FSAF1: variants seen among roughly 807,000 people sequenced by gnomAD.
FSAF1 encodes the protein 40S small subunit processome assembly factor 1.
the FSAF1 span, among the ~76,000 whole-genome samples, chr1:231,231,560 C>T: frequency 6.6e-6 from 1 of 152,046 alleles, no homozygotes; most frequent in Non-Finnish European, 1.5e-5. Flanking sequence ...AGTGCAGTGG[C>T]GCGAGGCACG....
the FSAF1 span, chr1:231,226,444 G>A: frequency 6.5e-6 from 3 of 459,498 alleles, no homozygotes; most frequent in Non-Finnish European, 1.2e-5. Flanking sequence ...GCAGAACCAT[G>A]CTCCAAATCA....
the FSAF1 span, chr1:231,237,838 T>A: frequency 6.6e-6 from 1 of 152,260 alleles, no homozygotes; most frequent in East Asian, 1.9e-4. Flanking sequence ...AGAAATGGAA[T>A]AGCAATGAAT....
the FSAF1 span, chr1:231,226,773 T>A: frequency 1.2e-6 from 2 of 1,611,128 alleles, no homozygotes; most frequent in African/African-American, 1.3e-5. Flanking sequence ...TGCCTTTTTT[T>A]CTTTAATTTG....
chr1:231,240,764 G>A, the FSAF1 span, among the ~76,000 whole-genome samples: 2 of 152,064 alleles, frequency 1.3e-5, no homozygotes, highest in African/African-American at 4.8e-5. The surrounding 1 kb of genome is among the most constrained non-coding windows in gnomAD (Gnocchi z 4.1). Context: ...GGAAAGCCTT[G>A]GTGCTTCCTA....
the FSAF1 span, chr1:231,239,053 T>C: frequency 2.5e-6 from 4 of 1,614,196 alleles, no homozygotes; most frequent in East Asian, 6.7e-5. Context: ...CGAAGCGCTC[T>C]TCCTCTGGCC....
chr1:231,225,617 A>C, the FSAF1 span: 1 of 1,063,558 alleles, frequency 9.4e-7, no homozygotes, highest in Non-Finnish European at 1.5e-6. Context: ...TCATTGAGAT[A>C]CCATTTTTAA....
the FSAF1 span, chr1:231,225,655 A>C: frequency 7.4e-6 from 6 of 815,620 alleles, no homozygotes; most frequent in East Asian, 2.6e-5. Flanking sequence ...CATATTAAAC[A>C]TAACAGTCTC....
the FSAF1 span, among the ~76,000 whole-genome samples, chr1:231,231,359 C>T: frequency 6.6e-6 from 1 of 152,146 alleles, no homozygotes; most frequent in Non-Finnish European, 1.5e-5. Flanking sequence ...CCTATAAAAA[C>T]AAACAAAACC....
At chr1:231,239,050 C>T in the FSAF1 span, 1 of 1,614,194 alleles carries the variant, frequency 6.2e-7, no homozygotes, top group Admixed American at 1.7e-5. Flanking sequence ...GCTCGAAGCG[C>T]TCTTCCTCTG....
chr1:231,239,318 C>G, the FSAF1 span: 21 of 735,280 alleles, frequency 2.9e-5, no homozygotes, highest in South Asian at 7.0e-4. Flanking sequence ...AAGAAATAAA[C>G]TATTTGTTTT....
the FSAF1 span, among the ~76,000 whole-genome samples, chr1:231,230,573 G>A: frequency 1.3e-5 from 2 of 152,164 alleles, no homozygotes; most frequent in Non-Finnish European, 2.9e-5. Context: ...ACCAATGGTG[G>A]TAGTCCACCC....
chr1:231,226,876 T>C, the FSAF1 span: 1 of 1,590,388 alleles, frequency 6.3e-7, no homozygotes, highest in Non-Finnish European at 8.6e-7. Flanking sequence ...TCTGCAAAAA[T>C]GTTCCAGTGT....
chr1:231,234,244 C>A, the FSAF1 span, among the ~76,000 whole-genome samples: 2 of 152,190 alleles, frequency 1.3e-5, no homozygotes, highest in African/African-American at 4.8e-5. This position sits in a 1 kb window ranked among gnomAD's most constrained non-coding sequence, Gnocchi z 4.0. Flanking sequence ...TGTTTCTTAT[C>A]TCTTTCTTAT....
chr1:231,227,043 C>A, the FSAF1 span: 2 of 1,614,152 alleles, frequency 1.2e-6, no homozygotes, highest in Non-Finnish European at 1.7e-6. Context: ...ACCCGTGATA[C>A]CAAACCGGTG....
At chr1:231,225,084 T>G in the FSAF1 span, 1 of 208,632 alleles carries the variant, frequency 4.8e-6, no homozygotes, top group South Asian at 1.4e-4. Context: ...CAAACAAGTA[T>G]AAAGCAACAA....
the FSAF1 span, among the ~76,000 whole-genome samples, chr1:231,234,264 C>T: frequency 6.6e-6 from 1 of 152,156 alleles, no homozygotes; most frequent in Non-Finnish European, 1.5e-5. This position sits in a 1 kb window ranked among gnomAD's most constrained non-coding sequence, Gnocchi z 4.0. Flanking sequence ...TCTGAGGCCA[C>T]AAAAGAGGCT....
chr1:231,225,141 A>G, the FSAF1 span: 2 of 339,836 alleles, frequency 5.9e-6, no homozygotes, highest in African/African-American at 4.1e-5. Context: ...CTTACGTGGT[A>G]TGTCAAAGAG....
chr1:231,241,136 C>T, the FSAF1 span: 15 of 1,610,212 alleles, frequency 9.3e-6, no homozygotes, highest in Non-Finnish European at 1.2e-5. Flanking sequence ...AGGAATCAAC[C>T]CTCATTCTGC....
chr1:231,235,777 G>A, the FSAF1 span, among the ~76,000 whole-genome samples: 1 of 152,122 alleles, frequency 6.6e-6, no homozygotes, highest in Non-Finnish European at 1.5e-5. Flanking sequence ...CATTCCAGCA[G>A]GAGTGACAGA....
Sources: allele counts gnomAD v4.1 joint callset (sites outside exome capture counted in the v4.1 genomes callset), GRCh38; gene constraint gnomAD v4.1.1; non-coding constraint Gnocchi (gnomAD v3.1); transcripts MANE v1.5; gene names NCBI Gene and HGNC (gene_info 2026-07-23, HGNC 2026-07-21).